Variants in FSTL4 observed in about 807,000 individuals in gnomAD.
The protein encoded by FSTL4 is follistatin-related protein 4.
In FSTL4, 28 loss-of-function variants were observed where a neutral mutation model predicts 78.2. The ratio of observed to expected loss-of-function variants is 0.36; its 90% CI spans 0.27 to 0.49. The LOEUF (loss-of-function observed/expected upper bound fraction) is 0.49. FSTL4 is among the 20% of genes least tolerant of loss of function. The pLI, the probability that FSTL4 is intolerant of heterozygous loss-of-function variation, is 0.98. For missense variants in FSTL4, 922 were observed against 1,084.9 expected, an observed-to-expected ratio of 0.85 and a Z score of 2.11; for synonymous variants, 422 against 440.5, an observed-to-expected ratio of 0.96 and a Z score of 0.53.
intron 1 of FSTL4, among the ~76,000 whole-genome samples, chr5:133,606,284 C>A (rs751811752): frequency 1.3e-5 from 2 of 152,096 alleles, no homozygotes; most frequent in Non-Finnish European, 2.9e-5. Flanking sequence ...CCATGCCCAG[C>A]TAATTTTGTA....
the FSTL4 span, among the ~76,000 whole-genome samples, chr5:133,792,849 A>G: frequency 3.9e-5 from 6 of 152,166 alleles, no homozygotes; most frequent in Non-Finnish European, 7.3e-5. Flanking sequence ...ACCAAACCTC[A>G]TGGAAAGGAA....
rs568219582 is a variant in FSTL4, at chr5:133,505,697, C to T, written c.160+61489G>A. ...AGAAGGGATGCATTCCCTACAGCTGCCCAATTTTTTCACAAGTGGATGAGA... is the reference window on the plus strand; with the variant it reads ...AGAAGGGATGCATTCCCTACAGCTGTCCAATTTTTTCACAAGTGGATGAGA... On this transcript the variant is annotated intron_variant, in intron 3 of 15. Coordinates refer to ENST00000265342, the MANE Select transcript of FSTL4 (RefSeq NM_015082.2). Among the ~76,000 whole-genome samples the T allele has an allele frequency of 2.0e-5, 3 of 152,338 alleles. No individual in the cohort carries two copies. In the East Asian group the frequency reaches 5.8e-4, roughly 29 times the overall value.
At chr5:133,425,777 T>C (rs1756800090) in intron 3 of FSTL4, among the ~76,000 whole-genome samples, 1 of 152,230 alleles carries the variant, frequency 6.6e-6, no homozygotes, top group African/African-American at 2.4e-5. Context: ...AAGGGAGATA[T>C]GGATCCTGCC....
At chr5:133,579,797 C>T (rs1217545885) in intron 2 of FSTL4, among the ~76,000 whole-genome samples, 2 of 152,188 alleles carry the variant, frequency 1.3e-5, no homozygotes, top group South Asian at 2.1e-4. Context: ...GTACAGTCCT[C>T]ATGTCTGAGT....
intron 3 of FSTL4, among the ~76,000 whole-genome samples, chr5:133,467,471 T>C (rs1024541186): frequency 1.3e-5 from 2 of 152,028 alleles, no homozygotes; most frequent in African/African-American, 4.8e-5. Flanking sequence ...CATTAAGAAG[T>C]GGCAAATTAT....
intron 6 of FSTL4, among the ~76,000 whole-genome samples, chr5:133,255,265 C>T (rs907145995): frequency 1.3e-5 from 2 of 152,204 alleles, no homozygotes; most frequent in Non-Finnish European, 2.9e-5. Context: ...GGGGTCAGAG[C>T]AGCCCATCAG....
Position 133,199,276 on chromosome 5 carries a change from C to T in FSTL4, c.2348G>A (p.Gly783Glu). 6.2e-7 allele frequency: 1 copy of T among 1,614,004 alleles called. No individual in the cohort carries two copies. The highest frequency in any genetic ancestry group is 1.1e-5 in the South Asian group (1 of 91,068). Residue 783 changes from glycine (G) to glutamate (E), a missense_variant, in exon 16 of 16, where the codon GGG becomes GAG. Physicochemically the swap from Gly to Glu is moderately conservative, Grantham distance 98. Transcript: ENST00000265342. The surrounding 1 kb of genome is among the most constrained non-coding windows in gnomAD (Gnocchi z 4.4). Reference sequence around the variant, plus strand: ...GGTACCCCCCCAGGGCTGAGCTGGCCCTGCGGGTGGCTCCTTTAAGTTCTT... The same window carrying T: ...GGTACCCCCCCAGGGCTGAGCTGGCTCTGCGGGTGGCTCCTTTAAGTTCTT... Reference protein sequence around the residue: ...MLKNLKEPPAGPAQPWGGTHR... With the variant: ...MLKNLKEPPAEPAQPWGGTHR...
chr5:133,726,099 C>T, the FSTL4 span, among the ~76,000 whole-genome samples: 2 of 152,134 alleles, frequency 1.3e-5, no homozygotes, highest in South Asian at 2.1e-4. Flanking sequence ...GAGAAAATAT[C>T]GAGGCATGGC....
intron 14 of FSTL4, among the ~76,000 whole-genome samples, chr5:133,206,926 ATAAT>A (rs67066945): frequency 0.61 from 92,751 of 151,522 alleles, 28,932 homozygotes; most frequent in Middle Eastern, 0.7. Flanking sequence ...TTGATATGAA[ATAAT>A]TAATAGTCTC....
chr5:133,796,187 T>C, the FSTL4 span, among the ~76,000 whole-genome samples: 1 of 152,230 alleles, frequency 6.6e-6, no homozygotes, highest in African/African-American at 2.4e-5. Context: ...ACGCAGGACA[T>C]GCGACAGGGG....
chr5:133,277,433 G>C (rs1257034402), intron 6 of FSTL4, among the ~76,000 whole-genome samples: 1 of 152,216 alleles, frequency 6.6e-6, no homozygotes, highest in African/African-American at 2.4e-5. Context: ...ATTTCTTATG[G>C]GGACAGTGGT....
At chr5:133,667,387 C>T in the FSTL4 span, among the ~76,000 whole-genome samples, 3 of 152,240 alleles carry the variant, frequency 2.0e-5, no homozygotes, top group Non-Finnish European at 4.4e-5. Flanking sequence ...GACTTTAACA[C>T]TGCAGCCAGA....
rs182818053 is a variant in FSTL4, at chr5:133,468,746, T to C, written c.161-67760A>G. 1.8e-4 allele frequency among the ~76,000 whole-genome samples: 28 copies of C among 152,300 alleles called. 1 individual carries two copies. The East Asian group carries it at 3.7e-3, about 20-fold the overall frequency. ...CCAGTTGTTCCTGTGCTGCAACCTC[T>C]GCCAAGGGACTTCTGACAGGCAGGC... On this transcript the variant is annotated intron_variant, in intron 3 of 15. Coordinates refer to ENST00000265342, the MANE Select transcript of FSTL4 (RefSeq NM_015082.2).
At chr5:133,544,944 G>A (rs1759545068) in intron 3 of FSTL4, among the ~76,000 whole-genome samples, 1 of 152,194 alleles carries the variant, frequency 6.6e-6, no homozygotes, top group Non-Finnish European at 1.5e-5. Context: ...GAGCTTTTGG[G>A]CAGTGGAGAC....
the FSTL4 span, among the ~76,000 whole-genome samples, chr5:133,736,406 T>C: frequency 1.3e-5 from 2 of 152,136 alleles, no homozygotes; most frequent in Admixed American, 6.5e-5. Flanking sequence ...TTCCCCTAAC[T>C]TTTCCTGGAA....
the FSTL4 span, among the ~76,000 whole-genome samples, chr5:133,755,019 C>T: frequency 6.6e-6 from 1 of 152,114 alleles, no homozygotes; most frequent in East Asian, 1.9e-4. Flanking sequence ...CTCCTCATTG[C>T]CTCCCACATG....
the FSTL4 span, among the ~76,000 whole-genome samples, chr5:133,707,878 G>T: frequency 6.6e-6 from 1 of 151,942 alleles, no homozygotes; most frequent in African/African-American, 2.4e-5. Flanking sequence ...CAGGCTTCAG[G>T]TGTTGCTTGA....
the FSTL4 span, among the ~76,000 whole-genome samples, chr5:133,709,415 T>C: frequency 6.6e-6 from 1 of 152,262 alleles, no homozygotes; most frequent in Non-Finnish European, 1.5e-5. Context: ...AAGGACTGGC[T>C]TCACTTATTC....
At chr5:133,429,871 C>G (rs1461596864) in intron 3 of FSTL4, among the ~76,000 whole-genome samples, 1 of 152,188 alleles carries the variant, frequency 6.6e-6, no homozygotes, top group Non-Finnish European at 1.5e-5. Flanking sequence ...GATAAAGTCC[C>G]TTCTCTCCTA....
Sources: allele counts gnomAD v4.1 joint callset (sites outside exome capture counted in the v4.1 genomes callset), GRCh38; gene constraint gnomAD v4.1.1; non-coding constraint Gnocchi (gnomAD v3.1); transcripts MANE v1.5; gene names NCBI Gene and HGNC (gene_info 2026-07-23, HGNC 2026-07-21).